Variants in ZMYM4 observed in about 807,000 individuals in gnomAD.
ZMYM4 encodes the protein zinc finger MYM-type protein 4.
A neutral mutation model predicts 183.2 loss-of-function variants in ZMYM4; 31 were observed. That is an observed-to-expected ratio of 0.17 (90% CI 0.13 to 0.23). ZMYM4 has a LOEUF of 0.23. ZMYM4 is among the 10% of genes least tolerant of loss of function. The pLI, the probability that ZMYM4 is intolerant of heterozygous loss-of-function variation, is 1.00. For missense variants in ZMYM4, 1,273 were observed against 1,840.3 expected (o/e 0.69, Z 5.64); for synonymous variants, 592 against 631.2 (o/e 0.94, Z 0.93).
chr1:35,413,089 C>G (rs1399283630), intron 26 of ZMYM4, among the ~76,000 whole-genome samples: 1 of 151,956 alleles, frequency 6.6e-6, no homozygotes. Flanking sequence ...GTTACCCAGG[C>G]TGAAGTGCAG....
chr1:35,271,740 G>A (rs1326789172), intron 1 of ZMYM4, among the ~76,000 whole-genome samples: 1 of 152,150 alleles, frequency 6.6e-6, no homozygotes, highest in African/African-American at 2.4e-5. Flanking sequence ...TATAACATAC[G>A]CAGGACTTGT....
chr1:35,352,649 C>T (rs1643671721), intron 2 of ZMYM4, among the ~76,000 whole-genome samples: 1 of 152,178 alleles, frequency 6.6e-6, no homozygotes, highest in South Asian at 2.1e-4. Context: ...GTCATCTCAG[C>T]AGCATTCATT....
At chr1:35,349,762 G>C (rs1643529586) in intron 2 of ZMYM4, among the ~76,000 whole-genome samples, 1 of 150,990 alleles carries the variant, frequency 6.6e-6, no homozygotes, top group East Asian at 2.0e-4. Context: ...CCCGGGCAGT[G>C]GAAGTTGCAG....
intron 1 of ZMYM4, among the ~76,000 whole-genome samples, chr1:35,290,548 G>C (rs1570266204): frequency 6.6e-6 from 1 of 152,192 alleles, no homozygotes; most frequent in South Asian, 2.1e-4. Flanking sequence ...GGATCCTCCT[G>C]CCTCTCCAAT....
At chr1:35,297,299 T>C (rs1641067426) in intron 1 of ZMYM4, among the ~76,000 whole-genome samples, 2 of 152,138 alleles carry the variant, frequency 1.3e-5, no homozygotes, top group Admixed American at 1.3e-4. Context: ...TTTTCAGCAA[T>C]ATCAACCTGT....
chr1:35,357,170 G>A (rs1466387750), intron 2 of ZMYM4, among the ~76,000 whole-genome samples: 3 of 152,204 alleles, frequency 2.0e-5, no homozygotes, highest in African/African-American at 7.2e-5. Flanking sequence ...GATTATAGGT[G>A]TGAGCCACTG....
intron 2 of ZMYM4, chr1:35,350,971 A>G: frequency 1.3e-6 from 1 of 765,044 alleles, no homozygotes; most frequent in East Asian, 2.5e-5. Context: ...GAACTGCCAA[A>G]ATATGGTTTG....
At chr1:35,413,815 GT>G (rs1222537064) in intron 26 of ZMYM4, among the ~76,000 whole-genome samples, 156 bp from the exon 27 acceptor site, 2 of 152,102 alleles carry the variant, frequency 1.3e-5, no homozygotes, top group African/African-American at 4.8e-5. Context: ...GAATTCTAGT[GT>G]TTTAACAACT....
intron 25 of ZMYM4, 135 bp downstream of exon 25, chr1:35,405,603 T>C: frequency 1.4e-6 from 1 of 697,012 alleles, no homozygotes; most frequent in East Asian, 3.1e-5. Context: ...CTTATCCCGT[T>C]TTAAGGAGGT....
chr1:35,353,409 C>CT (rs1226016167), intron 2 of ZMYM4, among the ~76,000 whole-genome samples: 1 of 152,126 alleles, frequency 6.6e-6, no homozygotes, highest in African/African-American at 2.4e-5. Flanking sequence ...TAACGACTTC[C>CT]TTTTACACTT....
chr1:35,375,082 C>G (rs1362616146), intron 7 of ZMYM4, among the ~76,000 whole-genome samples: 1 of 151,930 alleles, frequency 6.6e-6, no homozygotes, highest in Non-Finnish European at 1.5e-5. Context: ...TTTATTCGTT[C>G]ACCCCTTTTT....
intron 1 of ZMYM4, among the ~76,000 whole-genome samples, chr1:35,304,513 A>G (rs1444691975): frequency 6.7e-6 from 1 of 148,316 alleles, no homozygotes; most frequent in African/African-American, 2.5e-5. Context: ...GCTGGGGTGC[A>G]ATGGCTCGAT....
chr1:35,273,244 A>C (rs1000515356), intron 1 of ZMYM4, among the ~76,000 whole-genome samples: 1 of 152,186 alleles, frequency 6.6e-6, no homozygotes. Flanking sequence ...TAGTGCCTAT[A>C]CATGAAGGCG....
chr1:35,313,266 C>G (rs1187008937), intron 1 of ZMYM4, among the ~76,000 whole-genome samples: 1 of 152,190 alleles, frequency 6.6e-6, no homozygotes, highest in East Asian at 1.9e-4. Flanking sequence ...AACTCCTGAC[C>G]TTAAGTGATC....
chr1:35,305,091 G>A (rs1354686011), intron 1 of ZMYM4, among the ~76,000 whole-genome samples: 2 of 152,076 alleles, frequency 1.3e-5, no homozygotes, highest in African/African-American at 4.8e-5. Context: ...TGATCCATCC[G>A]CCTTGGCCTC....
In ZMYM4 at chr1:35,405,435, C is replaced by G. The variant is rs146817855; in HGVS notation, c.3763C>G (p.Leu1255Val). 13 of 1,612,828 alleles carry G rather than the reference C, an allele frequency of 8.1e-6. 1 individual carries two copies. In the African/African-American group the frequency reaches 1.3e-4, roughly 17 times the overall value. The stretch of plus-strand genomic sequence containing the variant: ...CTTAGGAAGTACTCAAGACCATGCA[C>G]TCTCTCAAGAATCCTCAGAGCCAGG... ...DPLGSTQDHA[L>V]SQESSEPGCR... The change falls in exon 25 of 30, where the codon CTC (leucine) becomes GTC (valine). Residue 1255 changes from leucine to valine, a missense_variant. Physicochemically the swap from Leu to Val is conservative, Grantham distance 32. Around this residue, in one of 6 missense-constraint regions of ZMYM4, gnomAD observed 133 missense variants for 155.7 expected, o/e 0.85. Transcript: ENST00000314607.
intron 1 of ZMYM4, among the ~76,000 whole-genome samples, chr1:35,294,372 A>T (rs910202348): frequency 5.9e-5 from 9 of 152,212 alleles, no homozygotes; most frequent in African/African-American, 2.2e-4. Flanking sequence ...AATTAATATT[A>T]TTACATTAAG....
At chr1:35,382,164 A>G (rs916533040) in intron 9 of ZMYM4, among the ~76,000 whole-genome samples, 5 of 140,230 alleles carry the variant, frequency 3.6e-5, no homozygotes, top group Admixed American at 7.4e-5. Flanking sequence ...AAAAACAAAA[A>G]TGTATATATA....
rs773127719 is a variant in ZMYM4, at chr1:35,370,070, A to T, written c.882A>T (p.Glu294Asp). 1 of 1,613,490 alleles carries T rather than the reference A, an allele frequency of 6.2e-7. No individual in the cohort carries two copies. The highest frequency in any genetic ancestry group is 1.7e-5 in the Admixed American group (1 of 60,000). The change falls in exon 6 of 30, where the codon GAA becomes GAT. Residue 294 changes from glutamate to aspartate, a missense_variant. Glu to Asp is a conservative substitution (Grantham distance 45). This residue lies in a region of ZMYM4 where 384 missense variants were observed against 465.6 expected (regional missense o/e 0.82). Transcript: ENST00000314607. The part of the protein sequence containing the change: ...HGQQQKTQEG[E>D]LKISAVFSVS... The stretch of plus-strand genomic sequence containing the variant: ...AACAGCAAAAAACTCAAGAGGGGGA[A>T]CTGAAAATTAGTGCTGTGTTTTCAG...
Sources: gnomAD v4.1 joint callset for allele counts (sites outside exome capture counted in the v4.1 genomes callset) on GRCh38, gnomAD v4.1.1 for gene constraint, gnomAD v4.1.1 regional missense constraint, MANE v1.5 for transcripts, NCBI Gene and HGNC (gene_info 2026-07-23, HGNC 2026-07-21) for gene names.